FAM114A1: variants seen among roughly 807,000 people sequenced by gnomAD.
The protein encoded by FAM114A1 is protein NOXP20.
In FAM114A1, 62 loss-of-function variants were observed where a neutral mutation model predicts 64.3. The ratio of observed to expected loss-of-function variants is 0.96; its 90% CI spans 0.79 to 1.19. The LOEUF (loss-of-function observed/expected upper bound fraction) is 1.19. FAM114A1 is among the 50% of genes most tolerant of loss of function. The pLI is 0.00. For missense variants in FAM114A1, 645 were observed against 676.3 expected (o/e 0.95, Z 0.51); for synonymous variants, 254 against 251.1 (o/e 1.01, Z -0.11).
chr4:38,936,480 T>G (rs2109803194), intron 13 of FAM114A1, among the ~76,000 whole-genome samples: 1 of 152,088 alleles, frequency 6.6e-6, no homozygotes, highest in East Asian at 1.9e-4. Flanking sequence ...CTGGTAAAAT[T>G]ATTAATTTTG....
Position 38,905,438 on chromosome 4 carries a change from G to C in FAM114A1, c.437-84G>C, listed in dbSNP as rs183447033. 690 of 977,808 alleles carry C rather than the reference G, an allele frequency of 7.1e-4. 1 individual carries two copies. The highest frequency in any genetic ancestry group is 9.1e-4 in the Non-Finnish European group (577 of 636,102). 60.6% of individuals were successfully genotyped at this position (977,808 alleles called of 1,614,324 possible). ...AAAGAAAGATGTACTTCTGCAACTT[G>C]AAACAGCTTTGTAAGATTTGGTGGA... On this transcript the variant is annotated intron_variant, in intron 4 of 14. Transcript: ENST00000358869.
At chr4:38,881,854 A>G (rs1352684473) in intron 3 of FAM114A1, among the ~76,000 whole-genome samples, 1 of 152,200 alleles carries the variant, frequency 6.6e-6, no homozygotes, top group Non-Finnish European at 1.5e-5. Context: ...TGAATTGTAC[A>G]AAACAAATTC....
rs752032047 is a variant in FAM114A1, at chr4:38,931,539, A to C, written c.1250A>C (p.Lys417Thr). Reference protein sequence around the residue: ...VAKVSEEETKKEEKEEKSQDP... With the variant: ...VAKVSEEETKTEEKEEKSQDP... ...AAAGTGTCCGAAGAAGAAACAAAGA[A>C]GGAAGAAAAGGAAGAGAAATCTCAA... Residue 417 changes from lysine (K) to threonine (T), a missense_variant, in exon 11 of 15, where the codon AAG becomes ACG. By Grantham distance (78) the Lys-to-Thr change is moderately conservative. Coordinates refer to ENST00000358869, the MANE Select transcript of FAM114A1 (RefSeq NM_138389.4). 3 of 1,614,102 alleles carry C rather than the reference A, an allele frequency of 1.9e-6. No individual in the cohort carries two copies. Among genetic ancestry groups the C allele is most frequent in the Non-Finnish European group, 2.5e-6 (3 of 1,180,018 alleles).
At chr4:38,878,553 A>G (rs1478884980) in intron 3 of FAM114A1, 127 bp downstream of exon 3, 3 of 701,542 alleles carry the variant, frequency 4.3e-6, no homozygotes, top group Non-Finnish European at 7.0e-6. Flanking sequence ...CCCCTCTGTC[A>G]TCAGAAATGT....
chr4:38,932,274 A>C lies in FAM114A1; in HGVS notation c.1363A>C (p.Thr455Pro), dbSNP rs1720709996. 7.5e-6 allele frequency: 12 copies of C among 1,610,656 alleles called. No homozygotes were observed. The highest frequency in any genetic ancestry group is 1.0e-5 in the Non-Finnish European group (12 of 1,179,204). Residue 455 changes from threonine to proline, a missense_variant, in exon 12 of 15, where the codon ACA becomes CCA. Physicochemically the swap from Thr to Pro is conservative, Grantham distance 38. Transcript: ENST00000358869. Reference protein sequence around the residue: ...MSSIESLAEVTARCIEQLHKV... With the variant: ...MSSIESLAEVPARCIEQLHKV... Reference sequence around the variant, plus strand: ...GTCCATTGAAAGTCTGGCGGAGGTAACAGCGCGCTGTATTGAGCAGCTTCA... The same window carrying C: ...GTCCATTGAAAGTCTGGCGGAGGTACCAGCGCGCTGTATTGAGCAGCTTCA...
rs543898525 is a variant in FAM114A1 at position 38,940,680 on chromosome 4, C to T, written c.1537-288C>T. On this transcript the variant is annotated intron_variant, in intron 13 of 14. Transcript: ENST00000358869. ...GTGAAAAAGGTCTCGGTTTCAATTTCTAGCTATGTGACCTTAAGCAAGTTA... is the reference window on the plus strand; with the variant it reads ...GTGAAAAAGGTCTCGGTTTCAATTTTTAGCTATGTGACCTTAAGCAAGTTA... Among the ~76,000 whole-genome samples the T allele has an allele frequency of 4.0e-4, 61 of 152,304 alleles. No homozygotes were observed. In the South Asian group the frequency reaches 0.012, roughly 29 times the overall value.
At position 38,877,776 on chromosome 4, in the gene FAM114A1, C is replaced by A. The variant is rs933622608; in HGVS notation, c.-8-295C>A. Among the ~76,000 whole-genome samples, 3 of 152,076 alleles carry A rather than the reference C, an allele frequency of 2.0e-5. No individual in the cohort carries two copies. The East Asian group carries it at 5.8e-4, about 29-fold the overall frequency. On this transcript the variant is annotated intron_variant, in intron 2 of 14. Coordinates refer to ENST00000358869, the MANE Select transcript of FAM114A1 (RefSeq NM_138389.4). Reference sequence around the variant, plus strand: ...GGTCGGGAGTTCGAGACCAGCCTGACCAACATGGAAAAACCCCGTTTCTAC... The same window carrying A: ...GGTCGGGAGTTCGAGACCAGCCTGAACAACATGGAAAAACCCCGTTTCTAC...
At chr4:38,918,187 G>C (rs1479447228) in intron 8 of FAM114A1, among the ~76,000 whole-genome samples, 2 of 152,176 alleles carry the variant, frequency 1.3e-5, no homozygotes, top group African/African-American at 4.8e-5. Context: ...TCGCGCCATT[G>C]CACTCCAGCC....
intron 4 of FAM114A1, among the ~76,000 whole-genome samples, chr4:38,900,230 A>C (rs1406310922): frequency 6.6e-6 from 1 of 152,060 alleles, no homozygotes; most frequent in Non-Finnish European, 1.5e-5. Flanking sequence ...TATTTTAAAA[A>C]AAAAAAACAG....
At chr4:38,915,748 T>G (rs994840286) in intron 8 of FAM114A1, among the ~76,000 whole-genome samples, 1 of 69,656 alleles carries the variant, frequency 1.4e-5, no homozygotes, top group South Asian at 5.7e-4. Context: ...TATAGTGGTG[T>G]GTGTGTGTGT....
At position 38,929,656 on chromosome 4, in the gene FAM114A1, A is replaced by C. The variant is rs190918188; in HGVS notation, c.1161+323A>C. Among the ~76,000 whole-genome samples the C allele has an allele frequency of 3.3e-5, 5 of 152,332 alleles. No homozygotes were observed. In the East Asian group the frequency reaches 7.7e-4, roughly 23 times the overall value. ...GCCAAGTGCGGTGGCGCATGCCTGTAATCCCAGCTACTCGGGAGACTGAGG... is the reference window on the plus strand; with the variant it reads ...GCCAAGTGCGGTGGCGCATGCCTGTCATCCCAGCTACTCGGGAGACTGAGG... On this transcript the variant is annotated intron_variant, in intron 10 of 14. Transcript: ENST00000358869.
At chr4:38,869,056 C>G (rs1207459728) in intron 2 of FAM114A1, among the ~76,000 whole-genome samples, 1 of 152,198 alleles carries the variant, frequency 6.6e-6, no homozygotes, top group East Asian at 1.9e-4. Context: ...TTTATTTGAC[C>G]AGGCTTACAT....
At chr4:38,928,050 G>A (rs958914836) in intron 9 of FAM114A1, among the ~76,000 whole-genome samples, 3 of 152,166 alleles carry the variant, frequency 2.0e-5, no homozygotes, top group Admixed American at 6.6e-5. Context: ...AATAATAAGC[G>A]GATCTAAGCT....
chr4:38,936,310 G>A (rs1223209392), intron 13 of FAM114A1, among the ~76,000 whole-genome samples: 1 of 151,664 alleles, frequency 6.6e-6, no homozygotes, highest in Non-Finnish European at 1.5e-5. Context: ...TAGCCAGGAT[G>A]GTTTCGATCT....
At chr4:38,929,127 G>A (rs1720407433) in intron 9 of FAM114A1, 115 bp from the exon 10 acceptor site, 15 of 774,972 alleles carry the variant, frequency 1.9e-5, no homozygotes, top group Non-Finnish European at 3.3e-5. Context: ...TGGCGGGCAG[G>A]CTGCTACAAC....
intron 4 of FAM114A1, among the ~76,000 whole-genome samples, chr4:38,897,908 T>C (rs1717097982): frequency 6.7e-6 from 1 of 149,342 alleles, no homozygotes; most frequent in Non-Finnish European, 1.5e-5. Flanking sequence ...ATTGCACCAC[T>C]GCACTCCAGC....
At chr4:38,877,964 CA>C (rs34317975) in intron 2 of FAM114A1, 106 bp from the exon 3 acceptor site, 47,662 of 796,404 alleles carry the variant, frequency 0.06, no homozygotes, top group South Asian at 0.081. Context: ...AACTCCGTCT[CA>C]AAAAAAAAAA....
At chr4:38,875,464 G>A (rs6856696) in intron 2 of FAM114A1, among the ~76,000 whole-genome samples, 27 of 152,018 alleles carry the variant, frequency 1.8e-4, no homozygotes, top group African/African-American at 6.0e-4. Context: ...TGATTTCACC[G>A]TCAGCTTGGA....
chr4:38,934,679 A>G (rs1720935284), intron 12 of FAM114A1, among the ~76,000 whole-genome samples: 2 of 152,194 alleles, frequency 1.3e-5, no homozygotes, highest in African/African-American at 4.8e-5. Context: ...GTTAGGATAA[A>G]TGTTGTTTTT....
Sources: allele counts gnomAD v4.1 joint callset (sites outside exome capture counted in the v4.1 genomes callset), GRCh38; gene constraint gnomAD v4.1.1; transcripts MANE v1.5; gene names NCBI Gene and HGNC (gene_info 2026-07-23, HGNC 2026-07-21).